The following SLC7A7 variants were observed in gnomAD, a reference collection of about 807,000 sequenced individuals.
SLC7A7 encodes Y+L amino acid transporter 1.
In SLC7A7, 39 loss-of-function variants were observed where a neutral mutation model predicts 47.9. The ratio of observed to expected loss-of-function variants is 0.81; its 90% confidence interval spans 0.63 to 1.06. The LOEUF is 1.06. Ranked by LOEUF, SLC7A7 falls within the 50% of genes least tolerant of loss-of-function variation. SLC7A7 has a pLI of 0.00. For synonymous variants in SLC7A7, 234 were observed against 242.8 expected, an observed-to-expected ratio of 0.96 and a Z score of 0.34; for missense variants, 588 against 632.0, an observed-to-expected ratio of 0.93 and a Z score of 0.75.
chr14:22,776,576 T>C (rs1465961935), intron 4 of SLC7A7, among the ~76,000 whole-genome samples: 2 of 152,212 alleles, frequency 1.3e-5, no homozygotes, highest in East Asian at 3.9e-4. Flanking sequence ...CTCATGCCTG[T>C]AGTACTAACA....
chr14:22,812,240 C>T (rs922467922), intron 2 of SLC7A7, among the ~76,000 whole-genome samples: 1 of 151,872 alleles, frequency 6.6e-6, no homozygotes, highest in Non-Finnish European at 1.5e-5. Flanking sequence ...GATCTTGGCT[C>T]ACCGCAACCT....
intron 2 of SLC7A7, among the ~76,000 whole-genome samples, chr14:22,811,485 A>G (rs376637059): frequency 2.6e-5 from 4 of 152,352 alleles, no homozygotes; most frequent in African/African-American, 9.6e-5. Context: ...CTGAATGTAC[A>G]GATTTAAATA....
chr14:22,813,184 G>A lies in SLC7A7; in HGVS notation c.215C>T (p.Ser72Phe). 6.2e-7 allele frequency: 1 copy of A among 1,614,222 alleles called. No individual in the cohort carries two copies. The highest frequency in any genetic ancestry group is 1.1e-5 in the South Asian group (1 of 91,088). Reference sequence around the variant, plus strand: ...GCCCCCGACAGCCCAGATGACCAGAGAGAGACCAAAGGAGGCACTGTATAT... The same window carrying A: ...GCCCCCGACAGCCCAGATGACCAGAAAGAGACCAAAGGAGGCACTGTATAT... ...VLIYSASFGL[S>F]LVIWAVGGLF... Residue 72 changes from serine to phenylalanine, a missense_variant, in exon 2 of 10, where the codon TCT becomes TTT. Physicochemically the swap from Ser to Phe is radical, Grantham distance 155. Transcript: ENST00000674313.
chr14:22,773,808 T>A, intron 9 of SLC7A7, 92 bp from the exon 10 acceptor site: 5 of 1,535,570 alleles, frequency 3.3e-6, no homozygotes, highest in Non-Finnish European at 4.5e-6. Context: ...GGGGAGTGAT[T>A]CCACTAAGCC....
In SLC7A7 at chr14:22,778,953, A is replaced by G. The variant is rs767147593; in HGVS notation, c.626-16T>C. 3 of 1,613,568 alleles carry G rather than the reference A, an allele frequency of 1.9e-6. No homozygotes were observed. Among genetic ancestry groups the G allele is most frequent in the Non-Finnish European group, 1.7e-6 (2 of 1,179,984 alleles). On this transcript the variant is annotated splice_polypyrimidine_tract_variant and intron_variant, in intron 3 of 9. Transcript: ENST00000674313. Reference sequence around the variant, plus strand: ...GTAGAGGCTCCTGGAACCCAAGAACATTGGAAGGCAGGGGATTAGTGGCTC... The same window carrying G: ...GTAGAGGCTCCTGGAACCCAAGAACGTTGGAAGGCAGGGGATTAGTGGCTC...
intron 2 of SLC7A7, among the ~76,000 whole-genome samples, chr14:22,810,116 T>C (rs8003677): frequency 0.96 from 141,560 of 148,070 alleles, 67,983 homozygotes; most frequent in East Asian, 1. Context: ...AGGCACAAGG[T>C]CAGAATCGAG....
intron 2 of SLC7A7, among the ~76,000 whole-genome samples, chr14:22,792,867 A>AAGAGAGAGAGAGAGAGAGAGAG (rs113285148): frequency 2.0e-3 from 243 of 122,518 alleles, no homozygotes; most frequent in Non-Finnish European, 3.0e-3. Context: ...CAAAGAAAGA[A>AAGAGAGAGAGAGAGAGAGAGAG]AGAGAGAGAG....
chr14:22,774,067 A>C lies in SLC7A7; in HGVS notation c.1295T>G (p.Val432Gly). 6.2e-7 allele frequency: 1 copy of C among 1,614,184 alleles called. No individual in the cohort carries two copies. The change falls in exon 9 of 10, where the codon GTG becomes GGG. Residue 432 changes from valine to glycine, a missense_variant. Coordinates refer to ENST00000674313, the MANE Select transcript of SLC7A7 (RefSeq NM_003982.4). ...AGTATCACTGTAAAGTGGAACAGCCACCAGGAAGATGGTGCAGAGGCAGAA... is the reference window on the plus strand; with the variant it reads ...AGTATCACTGTAAAGTGGAACAGCCCCCAGGAAGATGGTGCAGAGGCAGAA... ...IVFCLCTIFL[V>G]AVPLYSDTIN...
At chr14:22,774,221 C>A in intron 8 of SLC7A7, 105 bp from the exon 9 acceptor site, 3 of 1,588,294 alleles carry the variant, frequency 1.9e-6, no homozygotes, top group Non-Finnish European at 2.6e-6. Context: ...TCTTTCCATA[C>A]CTTTAATTTC....
intron 1 of SLC7A7, among the ~76,000 whole-genome samples, chr14:22,814,038 C>T (rs1373024401): frequency 6.6e-6 from 1 of 151,642 alleles, no homozygotes; most frequent in Non-Finnish European, 1.5e-5. Context: ...TATCCGCCCG[C>T]CTCGGCCTCC....
chr14:22,787,950 G>A (rs1008518758), intron 2 of SLC7A7, among the ~76,000 whole-genome samples: 1 of 151,654 alleles, frequency 6.6e-6, no homozygotes, highest in African/African-American at 2.4e-5. Flanking sequence ...GCGGGTGCCT[G>A]TAGTCCCAGC....
chr14:22,807,283 G>T (rs1299599517), intron 2 of SLC7A7, among the ~76,000 whole-genome samples: 1 of 152,098 alleles, frequency 6.6e-6, no homozygotes, highest in Non-Finnish European at 1.5e-5. Context: ...ATGGATTCAG[G>T]TTTCAGCTCC....
In SLC7A7 at chr14:22,788,505, T is replaced by G. The variant is rs7158333; in HGVS notation, c.500-8454A>C. Among the ~76,000 whole-genome samples the G allele has an allele frequency of 3.8e-4, 57 of 151,912 alleles. No individual in the cohort carries two copies. In the East Asian group the frequency reaches 5.8e-3, roughly 16 times the overall value. On this transcript the variant is annotated intron_variant, in intron 2 of 9. Coordinates refer to ENST00000674313, the MANE Select transcript of SLC7A7 (RefSeq NM_003982.4). ...AGATCACAAAGTCAGGAGTTTGAGATCAGCCTGGCCAACATGGTGAAACCC... is the reference window on the plus strand; with the variant it reads ...AGATCACAAAGTCAGGAGTTTGAGAGCAGCCTGGCCAACATGGTGAAACCC...
intron 2 of SLC7A7, among the ~76,000 whole-genome samples, chr14:22,786,688 T>C (rs7150667): frequency 0.9 from 137,141 of 152,264 alleles, 62,033 homozygotes; most frequent in East Asian, 0.97. Flanking sequence ...AATCCCAGCA[T>C]TTTGGGAGGC....
chr14:22,773,897 G>A (rs1182208100), intron 9 of SLC7A7, 36 bp downstream of exon 9: 2 of 1,612,872 alleles, frequency 1.2e-6, no homozygotes, highest in Non-Finnish European at 1.7e-6. Context: ...ACCAAGCTCT[G>A]CAATAGCTGA....
At chr14:22,799,744 C>T (rs187531980) in intron 2 of SLC7A7, among the ~76,000 whole-genome samples, 6 of 152,160 alleles carry the variant, frequency 3.9e-5, no homozygotes, top group Admixed American at 6.5e-5. Context: ...TGTGAGCCAC[C>T]GCCCTGGCCT....
At chr14:22,815,241 C>T (rs911649960) in intron 1 of SLC7A7, 79 bp downstream of exon 1, 14 of 398,872 alleles carry the variant, frequency 3.5e-5, no homozygotes, top group African/African-American at 2.1e-5. Context: ...GGAGAAGAAG[C>T]GATTAGACAC....
intron 2 of SLC7A7, among the ~76,000 whole-genome samples, chr14:22,805,614 C>T (rs1295943423): frequency 6.6e-6 from 1 of 151,904 alleles, no homozygotes; most frequent in Non-Finnish European, 1.5e-5. Flanking sequence ...TGGGGCCTGT[C>T]GGTAGAGGTT....
chr14:22,784,492 C>G (rs1187506818), intron 2 of SLC7A7, among the ~76,000 whole-genome samples: 3 of 152,072 alleles, frequency 2.0e-5, no homozygotes, highest in Admixed American at 6.6e-5. Context: ...GTGGTGTGTG[C>G]CTGTAGTCCC....
Sources: allele counts gnomAD v4.1 joint callset (sites outside exome capture counted in the v4.1 genomes callset), GRCh38; gene constraint gnomAD v4.1.1; transcripts MANE v1.5; gene names NCBI Gene and HGNC (gene_info 2026-07-23, HGNC 2026-07-21).